CASZ1: variants seen among roughly 807,000 people sequenced by gnomAD.
CASZ1 encodes the protein zinc finger protein castor homolog 1.
In CASZ1, 28 loss-of-function variants were observed where a neutral mutation model predicts 135.2. The ratio of observed to expected loss-of-function variants is 0.21; its 90% CI spans 0.15 to 0.28. CASZ1 has a LOEUF of 0.28. Ranked by LOEUF, CASZ1 falls within the 10% of genes least tolerant of loss-of-function variation. The pLI, the probability that CASZ1 is intolerant of heterozygous loss-of-function variation, is 1.00. For synonymous variants in CASZ1, 1,068 were observed against 1,073.4 expected (o/e 0.99, Z 0.10); for missense variants, 2,161 against 2,453.3 (o/e 0.88, Z 2.52).
Position 10,665,437 on chromosome 1 carries a change from C to G in CASZ1, c.151G>C (p.Gly51Arg). 1 of 1,611,878 alleles carries G rather than the reference C, an allele frequency of 6.2e-7. No homozygotes were observed. Among genetic ancestry groups the G allele is most frequent in the Non-Finnish European group, 8.5e-7 (1 of 1,179,806 alleles). The change falls in exon 5 of 21, where the codon GGC becomes CGC. Residue 51 changes from glycine to arginine, a missense_variant. Around this residue, in one of 7 missense-constraint regions of CASZ1, gnomAD observed 590 missense variants for 609.8 expected, o/e 0.97. Transcript: ENST00000377022. ...QVVVEKRADA[G>R]SHTEGSPSQP... The stretch of plus-strand genomic sequence containing the variant: ...GATGGGCTGCCCTCCGTGTGGGAGC[C>G]GGCGTCAGCTCGCTTCTCCACCACC...
At position 10,660,359 on chromosome 1, in the gene CASZ1, T is replaced by A; in HGVS notation, c.683A>T (p.Asp228Val). ...ATSSMLPTSE[D>V]TLSKRARFSK... The stretch of plus-strand genomic sequence containing the variant: ...GAACCGCGCCCGCTTGCTGAGGGTA[T>A]CCTCGGAGGTGGGCAGCATGGAGGA... Residue 228 changes from aspartate to valine, a missense_variant, in exon 6 of 21, where the codon GAT becomes GTT. Physicochemically the swap from Asp to Val is radical, Grantham distance 152. Around this residue, in one of 7 missense-constraint regions of CASZ1, gnomAD observed 590 missense variants for 609.8 expected, o/e 0.97. Transcript: ENST00000377022. 6.2e-7 allele frequency: 1 copy of A among 1,614,164 alleles called. No homozygotes were observed. The highest frequency in any genetic ancestry group is 8.5e-7 in the Non-Finnish European group (1 of 1,180,016).
At chr1:10,704,214 C>T (rs1228015897) in intron 3 of CASZ1, 1 of 152,294 alleles carries the variant, frequency 6.6e-6, no homozygotes, top group Non-Finnish European at 1.5e-5. Context: ...GGCATGGAGG[C>T]TCGCAGCTCT....
chr1:10,662,742 ACT>A (rs1220254211), intron 5 of CASZ1, among the ~76,000 whole-genome samples: 2 of 151,816 alleles, frequency 1.3e-5, no homozygotes, highest in African/African-American at 2.4e-5. Flanking sequence ...GACACCACAC[ACT>A]CACACACCTC....
In CASZ1 at chr1:10,781,267, C is replaced by T. The variant is rs578105821; in HGVS notation, c.-234+15297G>A. Among the ~76,000 whole-genome samples, 12 of 152,332 alleles carry T rather than the reference C, an allele frequency of 7.9e-5. No homozygotes were observed. In the East Asian group the frequency reaches 1.4e-3, roughly 17 times the overall value. On this transcript the variant is annotated intron_variant, in intron 1 of 20. Transcript: ENST00000377022. ...AGCACACAGGCCTTGTGCAATGACT[C>T]GGAGGACATGCAGGGAGATCCCTGG...
At chr1:10,732,914 C>T (rs2100512530) in intron 2 of CASZ1, among the ~76,000 whole-genome samples, 1 of 152,236 alleles carries the variant, frequency 6.6e-6, no homozygotes, top group East Asian at 1.9e-4. Context: ...TGGGCCCCTT[C>T]CCAGGGACGT....
chr1:10,642,179 A>C (rs1642221615), intron 20 of CASZ1: 1 of 98,066 alleles, frequency 1.0e-5, no homozygotes, highest in African/African-American at 4.0e-5. Context: ...GACGGAGAGA[A>C]GAGGCAGGGG....
At chr1:10,771,741 T>C (rs1229576916) in intron 1 of CASZ1, among the ~76,000 whole-genome samples, 1 of 152,124 alleles carries the variant, frequency 6.6e-6, no homozygotes, top group Non-Finnish European at 1.5e-5. Flanking sequence ...TGTCCCCTTA[T>C]TTTCTATTCC....
intron 2 of CASZ1, among the ~76,000 whole-genome samples, chr1:10,738,600 G>A (rs1480959630): frequency 1.3e-5 from 2 of 152,242 alleles, no homozygotes; most frequent in Non-Finnish European, 2.9e-5. Context: ...CCAGCCCTTC[G>A]ACCCCATCCA....
chr1:10,656,789 C>T (rs955306233), intron 7 of CASZ1, 53 bp from the exon 8 acceptor site: 42 of 1,069,214 alleles, frequency 3.9e-5, no homozygotes, highest in Middle Eastern at 2.5e-4. Context: ...CAGTCCCAGC[C>T]CCAGCCCCAG....
chr1:10,696,285 C>T (rs1310726273), intron 3 of CASZ1, among the ~76,000 whole-genome samples: 3 of 152,232 alleles, frequency 2.0e-5, no homozygotes, highest in African/African-American at 4.8e-5. Context: ...GTCACACAGC[C>T]TCATTGGCTC....
At chr1:10,779,189 G>A (rs1386289452) in intron 1 of CASZ1, among the ~76,000 whole-genome samples, 2 of 104,696 alleles carry the variant, frequency 1.9e-5, no homozygotes, top group Non-Finnish European at 3.8e-5. Flanking sequence ...GCCCCACCCC[G>A]TCTTCCCTGC....
At chr1:10,673,886 G>A (rs1643484309) in intron 4 of CASZ1, among the ~76,000 whole-genome samples, 1 of 152,164 alleles carries the variant, frequency 6.6e-6, no homozygotes, top group Admixed American at 6.5e-5. Context: ...AGGCGCCCTG[G>A]GTCTTGCCCT....
rs184613137 is a variant in CASZ1 at position 10,660,523 on chromosome 1, C to T, written c.519G>A (p.Ser173=). The change falls in exon 6 of 21, where the codon TCG becomes TCA. Residue 173 remains serine, a synonymous_variant. Transcript: ENST00000377022. ...STRQASGEAS[S]LRDYAASTMT... ...TGGTGGAGGCCGCGTAGTCCCGCAG[C>T]GAGGAGGCCTCTCCTGCAGAGGAGG... is the stretch of plus-strand genomic sequence containing the variant. The T allele has an allele frequency of 1.0e-4, 165 of 1,612,534 alleles. No individual in the cohort carries two copies. In the East Asian group the frequency reaches 3.4e-3, roughly 34 times the overall value.
In CASZ1 at chr1:10,776,947, C is replaced by A. The variant is rs1267858315; in HGVS notation, c.-233-16090G>T. Among the ~76,000 whole-genome samples the A allele has an allele frequency of 3.9e-5, 6 of 152,290 alleles. No individual in the cohort carries two copies. The highest frequency in any genetic ancestry group is 1.4e-4 in the African/African-American group (6 of 41,548). ...CCACCATCTGATCCCCTAGGAGGGT[C>A]CCTTTACTTCCTGCAACTGGAGGAA... On this transcript the variant is annotated intron_variant, in intron 1 of 20. Coordinates refer to ENST00000377022, the MANE Select transcript of CASZ1 (RefSeq NM_001079843.3). This position sits in a 1 kb window ranked among gnomAD's most constrained non-coding sequence, Gnocchi z 4.1.
intron 4 of CASZ1, among the ~76,000 whole-genome samples, chr1:10,690,138 G>T (rs532573): frequency 6.6e-6 from 1 of 152,018 alleles, no homozygotes; most frequent in Admixed American, 6.5e-5. Flanking sequence ...CCCTAAACCC[G>T]GCGTGGAATC....
rs771842425 is a variant in CASZ1, at chr1:10,647,656, G to A, written c.3497+145C>T. ...GAGCAGCAGCATCTTTGGCTAGAAG[G>A]ACATCACCCGATGGCCATGCCCCAG... On this transcript the variant is annotated intron_variant, in intron 16 of 20. Transcript: ENST00000377022. The surrounding 1 kb of genome is among the most constrained non-coding windows in gnomAD (Gnocchi z 4.9). 10 of 1,480,924 alleles carry A rather than the reference G, an allele frequency of 6.8e-6. No homozygotes were observed. Among genetic ancestry groups the A allele is most frequent in the Non-Finnish European group, 8.0e-6 (9 of 1,119,784 alleles). 91.7% of individuals were successfully genotyped at this position (1,480,924 alleles called of 1,614,324 possible). A position where few individuals can be genotyped will look rare whatever the true frequency, so the allele number is the denominator to read the frequency against.
At chr1:10,645,339 G>C (rs1032765325) in intron 17 of CASZ1, among the ~76,000 whole-genome samples, 3 of 152,214 alleles carry the variant, frequency 2.0e-5, no homozygotes, top group African/African-American at 7.2e-5. Context: ...GACCATCCTG[G>C]CTAAAGAGGT....
Position 10,665,538 on chromosome 1 carries a change from C to G in CASZ1, c.50G>C (p.Gly17Ala), listed in dbSNP as rs777775200. The G allele has an allele frequency of 8.8e-6, 14 of 1,589,444 alleles. No homozygotes were observed. The highest frequency in any genetic ancestry group is 1.2e-5 in the Non-Finnish European group (14 of 1,173,970). Residue 17 changes from glycine (G) to alanine (A), a missense_variant, in exon 5 of 21, where the codon GGC (glycine) becomes GCC (alanine). By Grantham distance (60) the Gly-to-Ala change is moderately conservative (BLOSUM62 0). This residue lies in a region of CASZ1 where 590 missense variants were observed against 609.8 expected (regional missense o/e 0.97). Coordinates refer to ENST00000377022, the MANE Select transcript of CASZ1 (RefSeq NM_001079843.3). ...EGTRCTDPPA[G>A]KPAMAPKRKG... Reference sequence around the variant, plus strand: ...GCGTTTGGGCGCCATGGCGGGCTTGCCTGCAGGCGGGTCCGTGCACCGGGT... The same window carrying G: ...GCGTTTGGGCGCCATGGCGGGCTTGGCTGCAGGCGGGTCCGTGCACCGGGT...
Position 10,720,146 on chromosome 1 carries a change from C to T in CASZ1, c.-76-14602G>A, listed in dbSNP as rs1473139787. ...CGATGGGCATGTGATCTGGCCTCTC[C>T]GAGGTTCAATTTCCTTGTCTATAAA... On this transcript the variant is annotated intron_variant, in intron 2 of 20. Transcript: ENST00000377022. This position sits in a 1 kb window ranked among gnomAD's most constrained non-coding sequence, Gnocchi z 5.7. Among the ~76,000 whole-genome samples, 2 of 152,204 alleles carry T rather than the reference C, an allele frequency of 1.3e-5. No homozygotes were observed. Among genetic ancestry groups the T allele is most frequent in the Non-Finnish European group, 1.5e-5 (1 of 68,046 alleles).
Sources: gnomAD v4.1 joint callset for allele counts (sites outside exome capture counted in the v4.1 genomes callset) on GRCh38, gnomAD v4.1.1 for gene constraint, gnomAD v4.1.1 regional missense constraint, Gnocchi (gnomAD v3.1) non-coding constraint, MANE v1.5 for transcripts, NCBI Gene and HGNC (gene_info 2026-07-23, HGNC 2026-07-21) for gene names.